The following ATF7 variants were observed in gnomAD, a reference collection of about 807,000 sequenced individuals.
ATF7 encodes activating transcription factor 7.
Under a neutral mutation model 50.4 loss-of-function variants are expected in ATF7, and 10 were observed. That is an observed-to-expected ratio of 0.20 (90% CI 0.12 to 0.34). The LOEUF is 0.34. ATF7 is among the 10% of genes least tolerant of loss of function. The pLI, the probability that ATF7 is intolerant of heterozygous loss-of-function variation, is 1.00. For synonymous variants in ATF7, 201 were observed against 226.4 expected, an observed-to-expected ratio of 0.89 and a Z score of 1.01; for missense variants, 465 against 613.9, an observed-to-expected ratio of 0.76 and a Z score of 2.56.
intron 2 of ATF7, chr12:53,574,855 AAT>A (rs1941967647): frequency 2.9e-6 from 1 of 346,270 alleles, no homozygotes; most frequent in Non-Finnish European, 5.5e-6. Flanking sequence ...TATTAAAAGA[AAT>A]AGTAAATTCA....
intron 9 of ATF7, among the ~76,000 whole-genome samples, chr12:53,525,593 A>T (rs1368919712): frequency 6.6e-6 from 1 of 152,228 alleles, no homozygotes; most frequent in East Asian, 1.9e-4. Context: ...AGATAAGTGT[A>T]TTATTTTTAT....
At chr12:53,624,340 A>G (rs2137964551) in intron 1 of ATF7, among the ~76,000 whole-genome samples, 1 of 152,342 alleles carries the variant, frequency 6.6e-6, no homozygotes, top group South Asian at 2.1e-4. Context: ...TAATACAACT[A>G]CGTACTCTGG....
intron 2 of ATF7, among the ~76,000 whole-genome samples, chr12:53,598,938 A>G (rs1943272818): frequency 6.6e-6 from 1 of 152,256 alleles, no homozygotes; most frequent in African/African-American, 2.4e-5. Flanking sequence ...TTTTTCAACT[A>G]AAAGCAAGAA....
At chr12:53,562,789 C>A (rs562731462) in intron 2 of ATF7, among the ~76,000 whole-genome samples, 1 of 151,946 alleles carries the variant, frequency 6.6e-6, no homozygotes, top group Non-Finnish European at 1.5e-5. Context: ...TACCCTAATG[C>A]AAGGATGCAA....
intron 9 of ATF7, among the ~76,000 whole-genome samples, chr12:53,529,561 C>A (rs1159812786): frequency 1.3e-5 from 2 of 150,724 alleles, no homozygotes; most frequent in Non-Finnish European, 3.0e-5. Flanking sequence ...TGGTCTCGAA[C>A]TCTTGACCTG....
chr12:53,577,267 A>C (rs1016551333), intron 2 of ATF7, among the ~76,000 whole-genome samples: 4 of 152,136 alleles, frequency 2.6e-5, no homozygotes, highest in Non-Finnish European at 5.9e-5. Context: ...TGTCTCTAAA[A>C]ACAAAGAATC....
chr12:53,509,482 G>A (rs936759533), downstream of ATF7, among the ~76,000 whole-genome samples: 5 of 150,956 alleles, frequency 3.3e-5, no homozygotes, highest in Admixed American at 1.3e-4. Context: ...TTTGAAGAGA[G>A]AGTTCATTCT....
intron 2 of ATF7, among the ~76,000 whole-genome samples, chr12:53,584,581 A>G (rs979370976): frequency 6.6e-6 from 1 of 152,250 alleles, no homozygotes; most frequent in Admixed American, 6.5e-5. Flanking sequence ...AAGCCTGCAC[A>G]TGGATATTTA....
At chr12:53,602,916 G>C (rs1048420522) in intron 1 of ATF7, among the ~76,000 whole-genome samples, 2 of 152,206 alleles carry the variant, frequency 1.3e-5, no homozygotes, top group African/African-American at 4.8e-5. Context: ...TGAAAACTTA[G>C]AGCATGTCTG....
intron 1 of ATF7, among the ~76,000 whole-genome samples, chr12:53,607,568 G>A (rs1377797804): frequency 1.3e-5 from 2 of 151,864 alleles, no homozygotes; most frequent in Non-Finnish European, 2.9e-5. Context: ...TTAAGGTACT[G>A]CCTTATAATA....
intron 4 of ATF7, among the ~76,000 whole-genome samples, chr12:53,541,495 A>G (rs1290052446): frequency 6.6e-6 from 1 of 152,138 alleles, no homozygotes; most frequent in East Asian, 1.9e-4. Flanking sequence ...ATTCCATGGG[A>G]ACTATCTTCC....
intron 2 of ATF7, among the ~76,000 whole-genome samples, chr12:53,577,101 T>C (rs796234343): frequency 1.3e-5 from 2 of 152,100 alleles, no homozygotes; most frequent in African/African-American, 2.4e-5. Flanking sequence ...GGCTCAGTAG[T>C]AGACTGGACA....
At chr12:53,591,230 G>A (rs1038172288) in intron 2 of ATF7, among the ~76,000 whole-genome samples, 41 of 151,920 alleles carry the variant, frequency 2.7e-4, no homozygotes, top group African/African-American at 7.3e-5. Flanking sequence ...AAACACTGGC[G>A]AATAATCCCC....
chr12:53,554,499 G>A (rs1390342245), intron 2 of ATF7, among the ~76,000 whole-genome samples: 1 of 152,114 alleles, frequency 6.6e-6, no homozygotes, highest in African/African-American at 2.4e-5. Context: ...AGGAGGCTGA[G>A]GTGGGGGGAG....
intron 11 of ATF7, among the ~76,000 whole-genome samples, chr12:53,519,326 T>G (rs1937944258): frequency 6.6e-6 from 1 of 152,202 alleles, no homozygotes; most frequent in Admixed American, 6.5e-5. Flanking sequence ...TCAGAGGTAG[T>G]GACAGTGTCT....
intron 2 of ATF7, among the ~76,000 whole-genome samples, chr12:53,586,550 T>TAA (rs1232706739): frequency 2.6e-5 from 4 of 152,172 alleles, no homozygotes; most frequent in Admixed American, 1.3e-4. Flanking sequence ...TTGATTCAAA[T>TAA]AACTATGCCA....
In ATF7 at chr12:53,577,300, T is replaced by C. The variant is rs186362553; in HGVS notation, c.48+23653A>G. On this transcript the variant is annotated intron_variant, in intron 2 of 11. Coordinates refer to ENST00000420353, the MANE Select transcript of ATF7 (RefSeq NM_006856.3). ...ATCTCTGAACTTGAGGATATGACAA[T>C]AGAAACTTCCAAAACTGGAAAGCTA... 8.6e-5 allele frequency among the ~76,000 whole-genome samples: 13 copies of C among 150,972 alleles called. No homozygotes were observed. In the East Asian group the frequency reaches 2.5e-3, roughly 29 times the overall value.
At chr12:53,541,692 A>G (rs1939559974) in intron 4 of ATF7, among the ~76,000 whole-genome samples, 1 of 152,180 alleles carries the variant, frequency 6.6e-6, no homozygotes, top group Non-Finnish European at 1.5e-5. Flanking sequence ...ATATTTTGTG[A>G]CAGCTTCCAC....
chr12:53,560,798 G>A (rs576734430), intron 2 of ATF7, among the ~76,000 whole-genome samples: 6 of 152,246 alleles, frequency 3.9e-5, no homozygotes, highest in Non-Finnish European at 8.8e-5. Flanking sequence ...AAGGAACTGA[G>A]TTTACATTTG....
Sources: allele counts gnomAD v4.1 joint callset (sites outside exome capture counted in the v4.1 genomes callset), GRCh38; gene constraint gnomAD v4.1.1; transcripts MANE v1.5; gene names NCBI Gene and HGNC (gene_info 2026-07-23, HGNC 2026-07-21).